The following LYPLAL1 variants were observed in gnomAD, a reference collection of about 807,000 sequenced individuals.
The protein encoded by LYPLAL1 is lysophospholipase-like protein 1.
LYPLAL1 carries 23 observed loss-of-function variants against 19.7 expected under a neutral mutation model. The ratio of observed to expected loss-of-function variants is 1.17; its 90% CI spans 0.84 to 1.65. The LOEUF is 1.65. LYPLAL1 is among the 40% of genes most tolerant of loss of function. LYPLAL1 has a pLI of 0.00. For synonymous variants in LYPLAL1, 119 were observed against 96.3 expected, an observed-to-expected ratio of 1.24 and a Z score of -1.38; for missense variants, 355 against 279.4, an observed-to-expected ratio of 1.27 and a Z score of -1.93.
At chr1:219,380,036 G>T in the LYPLAL1 span, among the ~76,000 whole-genome samples, 1 of 152,180 alleles carries the variant, frequency 6.6e-6, no homozygotes, top group Non-Finnish European at 1.5e-5. Flanking sequence ...ACCACGAACT[G>T]TACCAAACAA....
At chr1:219,259,186 A>G in the LYPLAL1 span, among the ~76,000 whole-genome samples, 2 of 152,064 alleles carry the variant, frequency 1.3e-5, no homozygotes, top group African/African-American at 2.4e-5. Context: ...TAGTACAACC[A>G]CTATGGAAAA....
At chr1:219,288,357 G>C in the LYPLAL1 span, among the ~76,000 whole-genome samples, 1 of 152,152 alleles carries the variant, frequency 6.6e-6, no homozygotes, top group African/African-American at 2.4e-5. Context: ...CTAAGTGAAA[G>C]AAGCCAATCT....
the LYPLAL1 span, among the ~76,000 whole-genome samples, chr1:219,418,250 C>T: frequency 2.0e-5 from 3 of 152,154 alleles, no homozygotes; most frequent in African/African-American, 7.2e-5. Flanking sequence ...TTCAATGTCC[C>T]CCACTGAGAG....
the LYPLAL1 span, among the ~76,000 whole-genome samples, chr1:219,380,134 G>A: frequency 6.6e-6 from 1 of 152,206 alleles, no homozygotes; most frequent in African/African-American, 2.4e-5. Context: ...TTATAAGGAG[G>A]AAATTAAAGC....
chr1:219,351,849 G>C, the LYPLAL1 span, among the ~76,000 whole-genome samples: 1 of 152,144 alleles, frequency 6.6e-6, no homozygotes, highest in African/African-American at 2.4e-5. Context: ...AAATTATCTG[G>C]TAGTTGGAAT....
At chr1:219,315,718 T>C in the LYPLAL1 span, among the ~76,000 whole-genome samples, 13 of 152,302 alleles carry the variant, frequency 8.5e-5, no homozygotes, top group African/African-American at 3.1e-4. Context: ...TTGGGAGTTC[T>C]GGTGATTATA....
intron 3 of LYPLAL1, among the ~76,000 whole-genome samples, chr1:219,206,546 C>T (rs1251454838): frequency 1.3e-5 from 2 of 151,938 alleles, no homozygotes; most frequent in Admixed American, 1.3e-4. Context: ...CAGATTACCT[C>T]ACAAAATCAT....
the LYPLAL1 span, among the ~76,000 whole-genome samples, chr1:219,297,560 T>G: frequency 2.0e-5 from 3 of 152,352 alleles, no homozygotes; most frequent in East Asian, 5.8e-4. Context: ...GCTCTTAGTC[T>G]TGAGAAATGG....
the LYPLAL1 span, among the ~76,000 whole-genome samples, chr1:219,412,175 A>G: frequency 1.3e-5 from 2 of 152,206 alleles, no homozygotes; most frequent in Non-Finnish European, 2.9e-5. Flanking sequence ...CAGCCCCCCA[A>G]CAGGTACACA....
the LYPLAL1 span, among the ~76,000 whole-genome samples, chr1:219,423,577 G>A: frequency 6.6e-6 from 1 of 152,142 alleles, no homozygotes; most frequent in East Asian, 1.9e-4. Context: ...ATTGTCCAAT[G>A]AGACAACTTC....
the LYPLAL1 span, among the ~76,000 whole-genome samples, chr1:219,424,847 C>T: frequency 6.6e-6 from 1 of 152,114 alleles, no homozygotes; most frequent in Non-Finnish European, 1.5e-5. Flanking sequence ...TTACTTTGAC[C>T]TCTCTATCCC....
At chr1:219,437,077 C>G in the LYPLAL1 span, 1 of 152,212 alleles carries the variant, frequency 6.6e-6, no homozygotes, top group Non-Finnish European at 1.5e-5. Flanking sequence ...ACAGAGTGGA[C>G]TAGGTGTTTA....
chr1:219,333,133 G>A, the LYPLAL1 span, among the ~76,000 whole-genome samples: 3 of 152,020 alleles, frequency 2.0e-5, no homozygotes, highest in East Asian at 5.8e-4. Context: ...AAGGGTACGT[G>A]TGATTAGACT....
chr1:219,378,260 G>A, the LYPLAL1 span, among the ~76,000 whole-genome samples: 1 of 152,158 alleles, frequency 6.6e-6, no homozygotes, highest in Admixed American at 6.5e-5. Context: ...GAGCATGGCT[G>A]GGGAAGCCTC....
At chr1:219,247,911 T>TA in the LYPLAL1 span, among the ~76,000 whole-genome samples, 2,275 of 151,916 alleles carry the variant, frequency 0.015, 66 homozygotes, top group African/African-American at 0.052. Context: ...TAGAGAGGGT[T>TA]AAAAAAAACC....
the LYPLAL1 span, among the ~76,000 whole-genome samples, chr1:219,231,561 T>C: frequency 3.3e-5 from 5 of 152,210 alleles, no homozygotes; most frequent in African/African-American, 4.8e-5. Flanking sequence ...TTGAGGTTTT[T>C]CAGAGAACGA....
At chr1:219,215,047 C>T (rs1004568288), downstream of LYPLAL1, among the ~76,000 whole-genome samples, 18 of 152,090 alleles carry the variant, frequency 1.2e-4, no homozygotes, top group African/African-American at 4.3e-4. Context: ...CCTATCTACC[C>T]ATGAAGATAC....
At chr1:219,283,141 G>C in the LYPLAL1 span, among the ~76,000 whole-genome samples, 1 of 152,158 alleles carries the variant, frequency 6.6e-6, no homozygotes, top group Non-Finnish European at 1.5e-5. Flanking sequence ...CACACATCTA[G>C]TAAACAATGG....
At chr1:219,205,114 T>C (rs1465517978) in intron 3 of LYPLAL1, among the ~76,000 whole-genome samples, 2 of 151,954 alleles carry the variant, frequency 1.3e-5, no homozygotes, top group Non-Finnish European at 1.5e-5. Flanking sequence ...TAAAAAGCAC[T>C]CAGTAGGCCG....
Sources: gnomAD v4.1 joint callset for allele counts (sites outside exome capture counted in the v4.1 genomes callset) on GRCh38, gnomAD v4.1.1 for gene constraint, MANE v1.5 for transcripts, NCBI Gene and HGNC (gene_info 2026-07-23, HGNC 2026-07-21) for gene names.